The following GRIK4 variants were observed in gnomAD, a reference collection of about 807,000 sequenced individuals.
The protein encoded by GRIK4 is glutamate receptor ionotropic, kainate 4.
GRIK4 carries 40 observed loss-of-function variants against 104.9 expected under a neutral mutation model. The ratio of observed to expected loss-of-function variants is 0.38; its 90% CI spans 0.30 to 0.50. GRIK4 has a LOEUF of 0.50. Ranked by LOEUF, GRIK4 falls within the 20% of genes least tolerant of loss-of-function variation. The pLI is 0.93. For synonymous variants in GRIK4, 485 were observed against 524.9 expected (o/e 0.92, Z 1.04); for missense variants, 1,047 against 1,308.1 (o/e 0.80, Z 3.08).
chr11:120,815,023 C>A (rs567999817), intron 4 of GRIK4, among the ~76,000 whole-genome samples: 5 of 152,238 alleles, frequency 3.3e-5, no homozygotes, highest in South Asian at 2.1e-4. Flanking sequence ...CCCCTACCCC[C>A]CTGCAGGCCA....
chr11:120,532,172 C>G (rs1041530118), intron 1 of GRIK4, among the ~76,000 whole-genome samples: 1 of 152,146 alleles, frequency 6.6e-6, no homozygotes, highest in Non-Finnish European at 1.5e-5. Context: ...TGCATGGTCC[C>G]GATTTGACCT....
chr11:120,518,962 C>T (rs1247141096), intron 1 of GRIK4, among the ~76,000 whole-genome samples: 2 of 152,122 alleles, frequency 1.3e-5, no homozygotes, highest in Admixed American at 6.5e-5. Context: ...CCTGCAGGAG[C>T]GAAAGTGCTG....
At chr11:120,943,225 G>A (rs1429592456) in intron 14 of GRIK4, among the ~76,000 whole-genome samples, 1 of 151,556 alleles carries the variant, frequency 6.6e-6, no homozygotes, top group African/African-American at 2.4e-5. Context: ...CCACGTGGCT[G>A]CCTAGACCTG....
chr11:120,904,546 G>A (rs940950679), intron 12 of GRIK4, among the ~76,000 whole-genome samples: 2 of 152,142 alleles, frequency 1.3e-5, no homozygotes, highest in Admixed American at 1.3e-4. Context: ...TCTTTAAAAC[G>A]CTTGATGCTT....
chr11:120,881,525 G>T (rs1239726714), intron 11 of GRIK4, among the ~76,000 whole-genome samples: 1 of 152,146 alleles, frequency 6.6e-6, no homozygotes, highest in African/African-American at 2.4e-5. Flanking sequence ...AGCTTTCAAG[G>T]GGCTGGCTCT....
At chr11:120,866,454 G>T (rs1263513550) in intron 9 of GRIK4, among the ~76,000 whole-genome samples, 3 of 152,176 alleles carry the variant, frequency 2.0e-5, no homozygotes, top group Non-Finnish European at 4.4e-5. Flanking sequence ...ACTGGAGAGG[G>T]TGTCCTGTCC....
At chr11:120,871,498 A>C (rs1340899474) in intron 9 of GRIK4, 2 of 414,084 alleles carry the variant, frequency 4.8e-6, no homozygotes, top group African/African-American at 4.1e-5. Flanking sequence ...GGCTCAGCCC[A>C]CCTCATCCTA....
intron 3 of GRIK4, among the ~76,000 whole-genome samples, chr11:120,767,675 T>C (rs2135451343): frequency 6.6e-6 from 1 of 152,328 alleles, no homozygotes; most frequent in East Asian, 1.9e-4. Flanking sequence ...AGTCTTATGG[T>C]TTCAGGTCTT....
chr11:120,909,696 G>A (rs1240894247), intron 13 of GRIK4, among the ~76,000 whole-genome samples: 1 of 152,228 alleles, frequency 6.6e-6, no homozygotes, highest in Admixed American at 6.5e-5. Flanking sequence ...TCCCCAACAA[G>A]GGGCTTGGGG....
chr11:120,570,167 T>G (rs1279007425), intron 1 of GRIK4, among the ~76,000 whole-genome samples: 2 of 152,234 alleles, frequency 1.3e-5, no homozygotes, highest in Non-Finnish European at 2.9e-5. Context: ...GCTTGTCTCG[T>G]GGGGAACCTC....
At chr11:120,647,695 C>T (rs991699506) in intron 1 of GRIK4, among the ~76,000 whole-genome samples, 11 of 152,358 alleles carry the variant, frequency 7.2e-5, no homozygotes, top group East Asian at 1.9e-4. Flanking sequence ...ACTGCAGGGG[C>T]GCAGGGACAT....
intron 1 of GRIK4, among the ~76,000 whole-genome samples, chr11:120,591,590 G>A (rs1338009457): frequency 6.6e-6 from 1 of 152,104 alleles, no homozygotes; most frequent in Admixed American, 6.5e-5. Flanking sequence ...CCTCCTCTGG[G>A]CTTTTTGCCT....
chr11:120,524,509 C>A lies in GRIK4; in HGVS notation c.-159+12622C>A, dbSNP rs1265134992. On this transcript the variant is annotated intron_variant, in intron 1 of 20. Transcript: ENST00000527524. The surrounding 1 kb of genome is among the most constrained non-coding windows in gnomAD (Gnocchi z 4.5). ...AGCCGGCGATGGAGCTGAACCAGTA[C>A]AAAGAGTAACACCAGGCCTACCTGG... Among the ~76,000 whole-genome samples, 1 of 152,214 alleles carries A rather than the reference C, an allele frequency of 6.6e-6. No homozygotes were observed. The highest frequency in any genetic ancestry group is 2.4e-5 in the African/African-American group (1 of 41,444).
chr11:120,950,875 C>T (rs1943983743), intron 14 of GRIK4, among the ~76,000 whole-genome samples: 1 of 152,148 alleles, frequency 6.6e-6, no homozygotes, highest in Non-Finnish European at 1.5e-5. Flanking sequence ...CAAATGATTT[C>T]CTCATTCTTC....
At chr11:120,739,534 G>A (rs1951289529) in intron 3 of GRIK4, among the ~76,000 whole-genome samples, 1 of 152,204 alleles carries the variant, frequency 6.6e-6, no homozygotes, top group African/African-American at 2.4e-5. Context: ...GGACCATGGA[G>A]ATGATTTTCT....
chr11:120,846,304 T>C (rs1953850882), intron 8 of GRIK4, among the ~76,000 whole-genome samples: 1 of 152,214 alleles, frequency 6.6e-6, no homozygotes, highest in Non-Finnish European at 1.5e-5. Context: ...AGCAAACATC[T>C]ATTAAGTGCC....
intron 8 of GRIK4, among the ~76,000 whole-genome samples, chr11:120,838,312 A>G (rs1953627855): frequency 6.6e-6 from 1 of 152,222 alleles, no homozygotes; most frequent in African/African-American, 2.4e-5. Flanking sequence ...ATAAAACCTT[A>G]CAAGTTTATT....
intron 11 of GRIK4, among the ~76,000 whole-genome samples, chr11:120,897,176 C>T (rs999102335): frequency 7.3e-5 from 11 of 151,496 alleles, no homozygotes; most frequent in African/African-American, 1.2e-4. Context: ...AGGAGACATC[C>T]GTTGGGAAAA....
rs746226430 is a variant in GRIK4 at position 120,967,199 on chromosome 11, G to A, written c.2271G>A (p.Ser757=). The change falls in exon 19 of 21, where the codon TCG becomes TCA. Residue 757 remains serine, a synonymous_variant. Transcript: ENST00000527524. The surrounding 1 kb of genome is among the most constrained non-coding windows in gnomAD (Gnocchi z 4.2). ...KGYGIGMPVG[S]VFRDEFDLAI... ...GCTCTCCCGTAACCCCCGCAGGCTC[G>A]GTTTTCCGGGACGAGTTTGATCTGG... is the stretch of plus-strand genomic sequence containing the variant. 1.2e-6 allele frequency: 2 copies of A among 1,612,914 alleles called. No individual in the cohort carries two copies. Among genetic ancestry groups the A allele is most frequent in the Non-Finnish European group, 1.7e-6 (2 of 1,179,384 alleles).
Sources: gnomAD v4.1 joint callset for allele counts (sites outside exome capture counted in the v4.1 genomes callset) on GRCh38, gnomAD v4.1.1 for gene constraint, Gnocchi (gnomAD v3.1) non-coding constraint, MANE v1.5 for transcripts, NCBI Gene and HGNC (gene_info 2026-07-23, HGNC 2026-07-21) for gene names.